Variants in MBNL1 observed in about 807,000 individuals in gnomAD.
MBNL1 encodes the protein muscleblind like splicing regulator 1.
Under a neutral mutation model 42.2 loss-of-function variants are expected in MBNL1, and 8 were observed. That is an observed-to-expected ratio of 0.19 (90% CI 0.11 to 0.34). The LOEUF is 0.34. Among genes scored for constraint, MBNL1 ranks in the 10% least tolerant of loss-of-function variants. MBNL1 has a pLI of 1.00. For synonymous variants in MBNL1, 169 were observed against 173.9 expected, an observed-to-expected ratio of 0.97 and a Z score of 0.22; for missense variants, 309 against 495.3, an observed-to-expected ratio of 0.62 and a Z score of 3.57.
chr3:152,381,383 CAAAA>C (rs1029008954), intron 2 of MBNL1, among the ~76,000 whole-genome samples: 6 of 151,210 alleles, frequency 4.0e-5, no homozygotes, highest in Admixed American at 2.6e-4. Context: ...AACAAACAAA[CAAAA>C]AAAAGTAAAA....
At chr3:152,422,430 G>A (rs1226971964) in intron 3 of MBNL1, among the ~76,000 whole-genome samples, 3 of 152,166 alleles carry the variant, frequency 2.0e-5, no homozygotes, top group Non-Finnish European at 2.9e-5. Flanking sequence ...ACCTAATACA[G>A]AAGCACCCAA....
In MBNL1 at chr3:152,366,849, ATCATC is replaced by A. The variant is rs1376145402; in HGVS notation, c.175-48087_175-48083del. 2.0e-5 allele frequency among the ~76,000 whole-genome samples: 3 copies of A among 152,280 alleles called. No homozygotes were observed. The East Asian group carries it at 5.8e-4, about 29-fold the overall frequency. ...GAATAAAGACAAATTTTCTTTAGAT[ATCATC>A]TCATTTATTTTCCCTTAATTAACAG... On this transcript the variant is annotated intron_variant, in intron 2 of 9. Coordinates refer to ENST00000324210, the MANE Select transcript of MBNL1 (RefSeq NM_021038.5).
At chr3:152,286,719 G>A (rs1416967863) in intron 1 of MBNL1, among the ~76,000 whole-genome samples, 1 of 151,680 alleles carries the variant, frequency 6.6e-6, no homozygotes, top group Non-Finnish European at 1.5e-5. Context: ...TTATTTGTGT[G>A]TGATTTTATA....
chr3:152,273,743 A>C (rs893343338), intron 1 of MBNL1, among the ~76,000 whole-genome samples: 2 of 152,188 alleles, frequency 1.3e-5, no homozygotes, highest in African/African-American at 4.8e-5. Flanking sequence ...AAATAATATC[A>C]TGCTCATATG....
At chr3:152,353,157 C>G (rs2095225526) in intron 2 of MBNL1, among the ~76,000 whole-genome samples, 1 of 152,166 alleles carries the variant, frequency 6.6e-6, no homozygotes, top group African/African-American at 2.4e-5. Flanking sequence ...GTCTCAGAAG[C>G]TTATCCTAGC....
intron 1 of MBNL1, among the ~76,000 whole-genome samples, chr3:152,278,985 A>G (rs893987975): frequency 6.6e-5 from 10 of 152,146 alleles, no homozygotes; most frequent in African/African-American, 2.4e-4. Context: ...AAATTCAAAG[A>G]AGGAAGTTTT....
chr3:152,334,872 C>T (rs1224151637), intron 2 of MBNL1, among the ~76,000 whole-genome samples: 1 of 152,078 alleles, frequency 6.6e-6, no homozygotes, highest in Non-Finnish European at 1.5e-5. Flanking sequence ...TATTCATCAC[C>T]TCGTTTGGGG....
At chr3:152,247,344 T>C (rs948590042) in intron 2 of MBNL1, among the ~76,000 whole-genome samples, 3 of 151,998 alleles carry the variant, frequency 2.0e-5, no homozygotes, top group Non-Finnish European at 4.4e-5. Flanking sequence ...TCACATATAA[T>C]TAAAATATGC....
At chr3:152,403,504 A>G (rs536194050) in intron 2 of MBNL1, among the ~76,000 whole-genome samples, 2 of 152,274 alleles carry the variant, frequency 1.3e-5, no homozygotes, top group South Asian at 4.1e-4. Context: ...AAACTATTCA[A>G]GGATACTAGA....
intron 2 of MBNL1, chr3:152,340,767 A>G (rs2092966834): frequency 6.2e-7 from 1 of 1,614,060 alleles, no homozygotes; most frequent in Non-Finnish European, 8.5e-7. Flanking sequence ...CTGCTAACTC[A>G]CTGAAGAAGA....
At chr3:152,267,236 C>T (rs2037431698), upstream of MBNL1, 1 of 152,732 alleles carries the variant, frequency 6.5e-6, no homozygotes, top group Non-Finnish European at 1.5e-5. Context: ...TTCTCTTCTC[C>T]ACCTGGACTC....
intron 4 of MBNL1, among the ~76,000 whole-genome samples, chr3:152,433,585 C>G (rs1329653058): frequency 6.6e-6 from 1 of 151,802 alleles, no homozygotes; most frequent in Admixed American, 6.6e-5. Context: ...CCCATCTCTA[C>G]TAAAAATACA....
intron 4 of MBNL1, among the ~76,000 whole-genome samples, chr3:152,442,084 C>G (rs770123860): frequency 6.6e-6 from 1 of 152,128 alleles, no homozygotes; most frequent in African/African-American, 2.4e-5. Flanking sequence ...TGAGCCACCG[C>G]GCCCAGTCAG....
intron 2 of MBNL1, among the ~76,000 whole-genome samples, chr3:152,327,059 T>A (rs1297550302): frequency 6.6e-6 from 1 of 152,096 alleles, no homozygotes; most frequent in Non-Finnish European, 1.5e-5. Flanking sequence ...TCTGCCTGCC[T>A]TGGCCTCCCG....
At chr3:152,424,406 G>T (rs1160409496) in intron 3 of MBNL1, among the ~76,000 whole-genome samples, 1 of 152,040 alleles carries the variant, frequency 6.6e-6, no homozygotes, top group Non-Finnish European at 1.5e-5. Flanking sequence ...ACAAACCACT[G>T]CTCAAGGAAA....
chr3:152,305,765 A>C (rs972402405), intron 2 of MBNL1, among the ~76,000 whole-genome samples: 7 of 152,244 alleles, frequency 4.6e-5, no homozygotes, highest in Non-Finnish European at 1.0e-4. Flanking sequence ...TACTGTAAAC[A>C]AGCTTGATTC....
chr3:152,394,912 G>A (rs533423346), intron 2 of MBNL1, among the ~76,000 whole-genome samples: 2 of 152,246 alleles, frequency 1.3e-5, no homozygotes, highest in South Asian at 2.1e-4. Flanking sequence ...AGAGTGGAGC[G>A]CAGTGGAGCG....
At chr3:152,434,848 T>G (rs978791323) in intron 4 of MBNL1, among the ~76,000 whole-genome samples, 4 of 152,248 alleles carry the variant, frequency 2.6e-5, no homozygotes, top group East Asian at 1.9e-4. Flanking sequence ...TATCTTTCTT[T>G]GAAAAGCATC....
rs547194600 is a variant in MBNL1 at position 152,433,000 on chromosome 3, A to G, written c.549+80A>G. On this transcript the variant is annotated intron_variant, in intron 4 of 9. Coordinates refer to ENST00000324210, the MANE Select transcript of MBNL1 (RefSeq NM_021038.5). ...GTTTTTTGTTTGTTTGTGTGTTTCC[A>G]TGGCCAAAAAGTTGTAAAAATTTTA... The G allele has an allele frequency of 9.6e-6, 13 of 1,358,830 alleles. No homozygotes were observed. In the African/African-American group the frequency reaches 1.5e-4, roughly 15 times the overall value. The allele number at this position is 1,358,830 out of a possible 1,614,324, so 84.2% of individuals were successfully genotyped here. A position where few individuals can be genotyped will look rare whatever the true frequency, so the allele number is the denominator to read the frequency against.
Sources: allele counts gnomAD v4.1 joint callset (sites outside exome capture counted in the v4.1 genomes callset), GRCh38; gene constraint gnomAD v4.1.1; transcripts MANE v1.5; gene names NCBI Gene and HGNC (gene_info 2026-07-23, HGNC 2026-07-21).